Variants in BMPR1B observed in about 807,000 individuals in gnomAD.
The protein encoded by BMPR1B is bone morphogenetic protein receptor type 1B, also known as bone morphogenetic protein receptor type-1B.
A neutral mutation model predicts 59.1 loss-of-function variants in BMPR1B; 12 were observed. The observed-to-expected ratio is 0.20, with a 90% CI of 0.13 to 0.33. The LOEUF is 0.33. Ranked by LOEUF, BMPR1B falls within the 10% of genes least tolerant of loss-of-function variation. The pLI is 1.00. For synonymous variants in BMPR1B, 237 were observed against 207.3 expected (o/e 1.14, Z -1.23); for missense variants, 550 against 610.9 (o/e 0.90, Z 1.05).
intron 1 of BMPR1B, among the ~76,000 whole-genome samples, chr4:94,834,173 C>G (rs1381442231): frequency 6.6e-6 from 1 of 152,168 alleles, no homozygotes; most frequent in Non-Finnish European, 1.5e-5. Flanking sequence ...GTAGAAGGCA[C>G]AGTTCTGCCT....
intron 2 of BMPR1B, among the ~76,000 whole-genome samples, chr4:94,949,284 C>T (rs1288177513): frequency 6.8e-6 from 1 of 148,122 alleles, no homozygotes; most frequent in African/African-American, 2.5e-5. Context: ...TCATCCATGT[C>T]CCTGCAAAGG....
intron 1 of BMPR1B, among the ~76,000 whole-genome samples, chr4:94,823,728 T>C (rs1724285617): frequency 7.0e-6 from 1 of 143,516 alleles, no homozygotes; most frequent in African/African-American, 2.6e-5. Context: ...GATTGAAGAA[T>C]AGTTTTTAGT....
At chr4:94,993,699 C>G (rs1418558626) in intron 2 of BMPR1B, among the ~76,000 whole-genome samples, 1 of 132,302 alleles carries the variant, frequency 7.6e-6, no homozygotes, top group Non-Finnish European at 1.5e-5. Flanking sequence ...AGGTGGAGGT[C>G]ATAGTGAGCC....
chr4:94,914,764 C>A (rs899866687), intron 2 of BMPR1B, among the ~76,000 whole-genome samples: 2 of 151,828 alleles, frequency 1.3e-5, no homozygotes. Context: ...AATGGGTGAC[C>A]GACATACAGG....
chr4:95,153,101 A>G (rs1323770794), intron 12 of BMPR1B, among the ~76,000 whole-genome samples: 1 of 152,194 alleles, frequency 6.6e-6, no homozygotes. Flanking sequence ...TTAAAGCATC[A>G]TAATTTTTCT....
At chr4:94,915,173 C>A (rs1017017139) in intron 2 of BMPR1B, among the ~76,000 whole-genome samples, 2 of 152,152 alleles carry the variant, frequency 1.3e-5, no homozygotes, top group Middle Eastern at 3.2e-3. Flanking sequence ...GATTAAATCA[C>A]CTTTCCATGC....
intron 3 of BMPR1B, among the ~76,000 whole-genome samples, chr4:95,029,985 T>A (rs1050675222): frequency 6.6e-6 from 1 of 152,012 alleles, no homozygotes; most frequent in Non-Finnish European, 1.5e-5. Context: ...CTTGTAAATT[T>A]GTTTGAGTTC....
intron 3 of BMPR1B, among the ~76,000 whole-genome samples, chr4:95,080,496 A>G (rs975643826): frequency 6.6e-6 from 1 of 152,142 alleles, no homozygotes; most frequent in Admixed American, 6.5e-5. Flanking sequence ...TTGGCCTCCT[A>G]AAGTGCTGGG....
At chr4:94,763,854 CT>C in intron 1 of BMPR1B, among the ~76,000 whole-genome samples, 1 of 152,130 alleles carries the variant, frequency 6.6e-6, no homozygotes. Flanking sequence ...ATCATCAATT[CT>C]TTTTTCTGAA....
intron 3 of BMPR1B, among the ~76,000 whole-genome samples, chr4:95,023,548 ATT>A (rs33940639): frequency 0.015 from 2,312 of 149,196 alleles, 61 homozygotes; most frequent in African/African-American, 0.051. Context: ...TGCCTGGCTA[ATT>A]TTTTTTTTTT....
rs147223183 is a variant in BMPR1B, at chr4:95,004,404, T to C, written c.-18+8270T>C. Among the ~76,000 whole-genome samples, 4 of 152,308 alleles carry C rather than the reference T, an allele frequency of 2.6e-5. No homozygotes were observed. The East Asian group carries it at 5.8e-4, about 22-fold the overall frequency. On this transcript the variant is annotated intron_variant, in intron 3 of 12. Transcript: ENST00000515059. ...ACATTTAAAATTAAATTACACCTTATAGTTGATAAGCAGGTTGTTCTTCTA... is the reference window on the plus strand; with the variant it reads ...ACATTTAAAATTAAATTACACCTTACAGTTGATAAGCAGGTTGTTCTTCTA...
intron 2 of BMPR1B, among the ~76,000 whole-genome samples, chr4:94,950,895 G>C (rs1729907054): frequency 6.6e-6 from 1 of 152,092 alleles, no homozygotes; most frequent in Non-Finnish European, 1.5e-5. Context: ...TCACAATATT[G>C]ATTCTTCCTG....
chr4:94,925,970 C>T (rs978444283), intron 2 of BMPR1B, among the ~76,000 whole-genome samples: 11 of 151,120 alleles, frequency 7.3e-5, no homozygotes, highest in Non-Finnish European at 1.2e-4. Context: ...CCTTCCTCCC[C>T]TCCTCCCTTC....
rs116489266 is a variant in BMPR1B at position 95,111,652 on chromosome 4, G to A, written c.144-3068G>A. Among the ~76,000 whole-genome samples, 724 of 152,150 alleles carry A rather than the reference G, an allele frequency of 4.8e-3. 6 individuals are homozygous for A. The highest frequency in any genetic ancestry group is 8.3e-3 in the Non-Finnish European group (564 of 67,974). On this transcript the variant is annotated intron_variant, in intron 4 of 12. Coordinates refer to ENST00000515059, the MANE Select transcript of BMPR1B (RefSeq NM_001203.3). Reference sequence around the variant, plus strand: ...AAAGAGTATCGCTTGGTCCCTTGAAGTTTTAAAACAGGTAGACACCTTTTT... The same window carrying A: ...AAAGAGTATCGCTTGGTCCCTTGAAATTTTAAAACAGGTAGACACCTTTTT...
chr4:94,799,213 T>A (rs1259127459), intron 1 of BMPR1B, among the ~76,000 whole-genome samples: 1 of 150,324 alleles, frequency 6.7e-6, no homozygotes, highest in East Asian at 2.0e-4. Flanking sequence ...AGAAAAGACC[T>A]TATCTTTGAG....
At chr4:95,022,238 T>C (rs1724039938) in intron 3 of BMPR1B, among the ~76,000 whole-genome samples, 2 of 152,204 alleles carry the variant, frequency 1.3e-5, no homozygotes, top group East Asian at 1.9e-4. Context: ...CACTTTGTTT[T>C]ATTGGAAAGA....
At chr4:95,033,755 A>T (rs1317756960) in intron 3 of BMPR1B, among the ~76,000 whole-genome samples, 1 of 152,164 alleles carries the variant, frequency 6.6e-6, no homozygotes, top group South Asian at 2.1e-4. Context: ...TAGAAAGAAG[A>T]TACCTGCAAT....
intron 2 of BMPR1B, among the ~76,000 whole-genome samples, chr4:94,878,532 C>T (rs2148976171): frequency 6.6e-6 from 1 of 152,208 alleles, no homozygotes; most frequent in Admixed American, 6.5e-5. Flanking sequence ...AACTAGGCTC[C>T]TCCTCATTGG....
intron 1 of BMPR1B, among the ~76,000 whole-genome samples, chr4:94,875,287 A>G (rs1013352336): frequency 6.6e-6 from 1 of 152,216 alleles, no homozygotes; most frequent in East Asian, 1.9e-4. Context: ...GATCTCTACT[A>G]CAGTGCTATA....
Sources: gnomAD v4.1 joint callset for allele counts (sites outside exome capture counted in the v4.1 genomes callset) on GRCh38, gnomAD v4.1.1 for gene constraint, MANE v1.5 for transcripts, NCBI Gene and HGNC (gene_info 2026-07-23, HGNC 2026-07-21) for gene names.